RBPJ: variants seen among roughly 807,000 people sequenced by gnomAD.
The protein encoded by RBPJ is recombination signal binding protein for immunoglobulin kappa J region.
A neutral mutation model predicts 67.8 loss-of-function variants in RBPJ; 9 were observed. The ratio of observed to expected loss-of-function variants is 0.13; its 90% CI spans 0.08 to 0.23. The LOEUF (loss-of-function observed/expected upper bound fraction) is 0.23. RBPJ is among the 10% of genes least tolerant of loss of function. The pLI, the probability that RBPJ is intolerant of heterozygous loss-of-function variation, is 1.00. For synonymous variants in RBPJ, 198 were observed against 203.3 expected, an observed-to-expected ratio of 0.97 and a Z score of 0.22; for missense variants, 305 against 595.6, an observed-to-expected ratio of 0.51 and a Z score of 5.08.
At chr4:26,214,160 AG>A (rs1270990886) in intron 1 of RBPJ, among the ~76,000 whole-genome samples, 1 of 149,736 alleles carries the variant, frequency 6.7e-6, no homozygotes, top group Admixed American at 6.7e-5. Context: ...GGAGAAAGAG[AG>A]AAAAGAGAGA....
chr4:26,142,962 A>G, the RBPJ span, among the ~76,000 whole-genome samples: 1 of 152,148 alleles, frequency 6.6e-6, no homozygotes, highest in Admixed American at 6.5e-5. Context: ...TTGTATATTT[A>G]GTAGAGATGG....
chr4:26,192,586 T>G (rs1019743029), intron 1 of RBPJ, among the ~76,000 whole-genome samples: 1 of 152,170 alleles, frequency 6.6e-6, no homozygotes, highest in African/African-American at 2.4e-5. Context: ...TAGCACTTAA[T>G]TGGTTCTCAA....
the RBPJ span, among the ~76,000 whole-genome samples, chr4:26,109,573 CTCTCTCTATATA>C: frequency 1.7e-5 from 1 of 58,586 alleles, no homozygotes; most frequent in Non-Finnish European, 3.6e-5. Flanking sequence ...CTCTCTCTCT[CTCTCTCTATATA>C]TATATATATA....
At chr4:26,204,210 A>T (rs1718089840) in intron 1 of RBPJ, among the ~76,000 whole-genome samples, 1 of 152,066 alleles carries the variant, frequency 6.6e-6, no homozygotes, top group South Asian at 2.1e-4. Context: ...GGCCTCCCAA[A>T]ACACTGGGAT....
chr4:26,110,667 T>C, the RBPJ span, among the ~76,000 whole-genome samples: 1 of 152,204 alleles, frequency 6.6e-6, no homozygotes, highest in African/African-American at 2.4e-5. This position sits in a 1 kb window ranked among gnomAD's most constrained non-coding sequence, Gnocchi z 4.5. Flanking sequence ...GTGACAAAGA[T>C]TCTATGAATC....
intron 1 of RBPJ, among the ~76,000 whole-genome samples, chr4:26,238,926 T>A (rs1719543534): frequency 6.6e-6 from 1 of 151,808 alleles, no homozygotes; most frequent in Non-Finnish European, 1.5e-5. Context: ...GCCACAGAGA[T>A]CAACGCTCCA....
the RBPJ span, among the ~76,000 whole-genome samples, chr4:26,151,217 G>T: frequency 6.6e-6 from 1 of 152,136 alleles, no homozygotes; most frequent in Non-Finnish European, 1.5e-5. Flanking sequence ...AGGCTGTGCT[G>T]TGCCTTTGTG....
Position 26,431,265 on chromosome 4 carries a change from G to A in RBPJ, c.*258G>A. ...GGAAATCAAGTTTTTCAGCTGTTTT[G>A]TTGGTTGGTTGGTTGGTTTTTGTTT... On this transcript the variant is annotated 3_prime_UTR_variant, in exon 11 of 11. Coordinates refer to ENST00000355476, the MANE Select transcript of RBPJ (RefSeq NM_015874.6). 3.0e-6 allele frequency: 1 copy of A among 331,740 alleles called. No homozygotes were observed. Among genetic ancestry groups the A allele is most frequent in the African/African-American group, 2.2e-5 (1 of 45,070 alleles). The allele number at this position is 331,740 out of a possible 1,614,324, so 20.5% of individuals were successfully genotyped here.
At chr4:26,373,591 A>G (rs1729386625) in intron 1 of RBPJ, among the ~76,000 whole-genome samples, 1 of 152,246 alleles carries the variant, frequency 6.6e-6, no homozygotes, top group East Asian at 1.9e-4. Flanking sequence ...CCAACAGAAA[A>G]AAGAACACAA....
At chr4:26,370,896 CA>C (rs980080563) in intron 1 of RBPJ, among the ~76,000 whole-genome samples, 2 of 151,780 alleles carry the variant, frequency 1.3e-5, no homozygotes, top group Admixed American at 1.3e-4. Flanking sequence ...CTTGCTAACA[CA>C]GTTAAACCCC....
At chr4:26,321,082 G>A (rs1319387013) in intron 1 of RBPJ, 34 bp downstream of exon 1, 2 of 1,544,206 alleles carry the variant, frequency 1.3e-6, no homozygotes, top group Non-Finnish European at 1.8e-6. Flanking sequence ...CCGGGAACCG[G>A]GAAAGTTGCG....
intron 1 of RBPJ, among the ~76,000 whole-genome samples, chr4:26,244,055 G>A (rs950510183): frequency 6.6e-6 from 1 of 151,408 alleles, no homozygotes; most frequent in African/African-American, 2.4e-5. Context: ...AGGTGAGGTG[G>A]CACCACTGCA....
At chr4:26,249,338 G>T (rs1241808400) in intron 1 of RBPJ, among the ~76,000 whole-genome samples, 1 of 152,044 alleles carries the variant, frequency 6.6e-6, no homozygotes, top group Admixed American at 6.6e-5. Flanking sequence ...GTTTATGTTA[G>T]AACCTAATCT....
intron 7 of RBPJ, among the ~76,000 whole-genome samples, chr4:26,427,794 ACTTTT>A (rs780909042): frequency 5.9e-5 from 9 of 152,076 alleles, no homozygotes; most frequent in Non-Finnish European, 1.3e-4. Flanking sequence ...TGTTTTCTTT[ACTTTT>A]GATTTTGAGA....
chr4:26,124,253 C>G, the RBPJ span, among the ~76,000 whole-genome samples: 1 of 151,546 alleles, frequency 6.6e-6, no homozygotes, highest in African/African-American at 2.4e-5. Flanking sequence ...CATTCTTATG[C>G]CTTTGCATCC....
rs192460465 is a variant in RBPJ, at chr4:26,374,467, G to A, written c.21-11886G>A. The stretch of plus-strand genomic sequence containing the variant: ...AATTCTGTCATAAAAATTCATATCC[G>A]GTCACCCTTTTCTTTTTTTTTTTTT... On this transcript the variant is annotated intron_variant, in intron 1 of 10. Transcript: ENST00000355476. 1.9e-3 allele frequency among the ~76,000 whole-genome samples: 259 copies of A among 138,882 alleles called. 3 individuals carry two copies. Among genetic ancestry groups the A allele is most frequent in the African/African-American group, 6.5e-3 (253 of 38,754 alleles). The allele number at this position is 138,882 out of a possible 152,430, so 91.1% of individuals were successfully genotyped here.
At chr4:26,198,532 A>T (rs2109150625) in intron 1 of RBPJ, among the ~76,000 whole-genome samples, 1 of 152,370 alleles carries the variant, frequency 6.6e-6, no homozygotes, top group South Asian at 2.1e-4. Context: ...AATAATGATA[A>T]CAGGTAGCAT....
At chr4:26,314,787 G>C (rs775008723), upstream of RBPJ, among the ~76,000 whole-genome samples, 13 of 152,068 alleles carry the variant, frequency 8.5e-5, no homozygotes, top group Non-Finnish European at 1.6e-4. Context: ...CTTTATAGCA[G>C]TGCAAGAACA....
intron 3 of RBPJ, among the ~76,000 whole-genome samples, chr4:26,414,602 A>G (rs1330142969): frequency 6.6e-6 from 1 of 152,236 alleles, no homozygotes; most frequent in Non-Finnish European, 1.5e-5. Flanking sequence ...AGTCAACATT[A>G]TAATTGAGCA....
Sources: allele counts gnomAD v4.1 joint callset (sites outside exome capture counted in the v4.1 genomes callset), GRCh38; gene constraint gnomAD v4.1.1; non-coding constraint Gnocchi (gnomAD v3.1); transcripts MANE v1.5; gene names NCBI Gene and HGNC (gene_info 2026-07-23, HGNC 2026-07-21).